Variants in CEP63 observed in about 807,000 individuals in gnomAD.
CEP63 encodes centrosomal protein of 63 kDa.
Under a neutral mutation model 89.1 loss-of-function variants are expected in CEP63, and 84 were observed. The observed-to-expected ratio is 0.94, with a 90% CI of 0.79 to 1.13. CEP63 has a LOEUF of 1.13. CEP63 is among the 50% of genes most tolerant of loss of function. The pLI is 0.00. For synonymous variants in CEP63, 267 were observed against 272.5 expected (o/e 0.98, Z 0.20); for missense variants, 838 against 813.3 (o/e 1.03, Z -0.37).
At chr3:134,567,289 G>T (rs572530047), downstream of CEP63, among the ~76,000 whole-genome samples, 1 of 152,172 alleles carries the variant, frequency 6.6e-6, no homozygotes, top group East Asian at 1.9e-4. Flanking sequence ...ATGGGGTGGG[G>T]ATAGGAGGAT....
At chr3:134,545,276 G>T (rs548999402) in intron 6 of CEP63, among the ~76,000 whole-genome samples, 1 of 152,078 alleles carries the variant, frequency 6.6e-6, no homozygotes, top group African/African-American at 2.4e-5. Flanking sequence ...GATTACAGGC[G>T]TGATCCACTG....
chr3:134,499,531 T>C (rs375595015), intron 2 of CEP63, among the ~76,000 whole-genome samples: 36 of 152,330 alleles, frequency 2.4e-4, no homozygotes, highest in African/African-American at 8.7e-4. Flanking sequence ...TGATCTTTGT[T>C]ATTTTTTTCC....
chr3:134,612,251 T>A, the CEP63 span, among the ~76,000 whole-genome samples: 11 of 152,172 alleles, frequency 7.2e-5, no homozygotes, highest in Admixed American at 6.5e-4. Flanking sequence ...TGGGAGCACT[T>A]GAGGGCATGG....
At chr3:134,611,224 T>C in the CEP63 span, among the ~76,000 whole-genome samples, 3 of 152,358 alleles carry the variant, frequency 2.0e-5, no homozygotes, top group East Asian at 3.9e-4. Flanking sequence ...TCACTGCTCA[T>C]AGTAGAGCTG....
In CEP63 at chr3:134,558,366, T is replaced by G. The variant is rs757851778; in HGVS notation, c.1673+19T>G. ...AGTTCAAGTAAAATTTTTTAAAAGT[T>G]TATTTAAAATGTGTATTGGTACAAT... On this transcript the variant is annotated intron_variant, in intron 13 of 14. Coordinates refer to ENST00000675561, the MANE Select transcript of CEP63 (RefSeq NM_001353108.3). The G allele has an allele frequency of 2.7e-6, 4 of 1,469,796 alleles. No homozygotes were observed. The highest frequency in any genetic ancestry group is 2.3e-5 in the South Asian group (2 of 87,612). 91.0% of individuals were successfully genotyped at this position (1,469,796 alleles called of 1,614,324 possible).
At chr3:134,658,313 C>T in the CEP63 span, among the ~76,000 whole-genome samples, 1 of 152,102 alleles carries the variant, frequency 6.6e-6, no homozygotes, top group African/African-American at 2.4e-5. Context: ...TTAAAAAATT[C>T]ATATCCTTAG....
chr3:134,624,884 G>A, the CEP63 span, among the ~76,000 whole-genome samples: 2 of 152,200 alleles, frequency 1.3e-5, no homozygotes, highest in Non-Finnish European at 2.9e-5. Flanking sequence ...GGCAGGGGCT[G>A]CTGCCTAGTG....
chr3:134,608,044 G>A, the CEP63 span: 6 of 1,065,246 alleles, frequency 5.6e-6, no homozygotes, highest in Admixed American at 4.9e-5. Flanking sequence ...CCCTAAGGAA[G>A]TCTGCCCCAA....
intron 12 of CEP63, chr3:134,552,594 T>C (rs1445722559): frequency 6.6e-6 from 1 of 152,262 alleles, no homozygotes; most frequent in Non-Finnish European, 1.5e-5. Context: ...ACTTAGCATA[T>C]AGTACATAGT....
intron 5 of CEP63, among the ~76,000 whole-genome samples, chr3:134,533,424 A>G (rs529995337): frequency 6.6e-6 from 1 of 152,344 alleles, no homozygotes; most frequent in South Asian, 2.1e-4. Flanking sequence ...CTTTTCGTAC[A>G]AAGTAATCTC....
chr3:134,506,010 C>T (rs1233605512), intron 2 of CEP63, among the ~76,000 whole-genome samples: 1 of 152,176 alleles, frequency 6.6e-6, no homozygotes, highest in African/African-American at 2.4e-5. Flanking sequence ...TGCCTCATCA[C>T]AGCAGTGTGA....
chr3:134,728,325 T>C, the CEP63 span, among the ~76,000 whole-genome samples: 6 of 152,310 alleles, frequency 3.9e-5, no homozygotes, highest in South Asian at 8.3e-4. Context: ...ATTTTTTTCC[T>C]AACCATCGAG....
chr3:134,581,966 C>T (rs1054266225), intron 10 of CEP63, among the ~76,000 whole-genome samples: 8 of 151,872 alleles, frequency 5.3e-5, no homozygotes, highest in African/African-American at 9.7e-5. Context: ...TGAGCCACCG[C>T]GCCCGGCCGA....
At chr3:134,757,149 C>T in the CEP63 span, among the ~76,000 whole-genome samples, 1 of 152,170 alleles carries the variant, frequency 6.6e-6, no homozygotes, top group East Asian at 1.9e-4. Context: ...TACCCACAGC[C>T]ACTGATGATT....
the CEP63 span, among the ~76,000 whole-genome samples, chr3:134,665,702 C>CACACACACACACAGAG: frequency 2.0e-5 from 2 of 102,324 alleles, no homozygotes; most frequent in African/African-American, 8.0e-5. Flanking sequence ...CACACACACA[C>CACACACACACACAGAG]AGAGAGAGAG....
At chr3:134,774,425 T>C in the CEP63 span, among the ~76,000 whole-genome samples, 1 of 152,204 alleles carries the variant, frequency 6.6e-6, no homozygotes. Flanking sequence ...ACAAGTACCT[T>C]CTAAGGAGAA....
chr3:134,624,420 C>A, the CEP63 span, among the ~76,000 whole-genome samples: 2 of 152,206 alleles, frequency 1.3e-5, no homozygotes, highest in Non-Finnish European at 2.9e-5. Flanking sequence ...TATAAGGTGG[C>A]CTTTTTAAGA....
At chr3:134,645,639 C>T in the CEP63 span, among the ~76,000 whole-genome samples, 1 of 152,206 alleles carries the variant, frequency 6.6e-6, no homozygotes, top group African/African-American at 2.4e-5. Context: ...TCGCTTTACA[C>T]ATGTTGATGG....
chr3:134,564,196 C>A lies in CEP63; in HGVS notation c.*2661C>A. The A allele has an allele frequency of 1.0e-6, 1 of 955,962 alleles. No individual in the cohort carries two copies. Among genetic ancestry groups the A allele is most frequent in the African/African-American group, 1.8e-5 (1 of 56,744 alleles). 59.2% of individuals were successfully genotyped at this position (955,962 alleles called of 1,614,324 possible). ...CTGGTTCATGGTGGGATCCTCATCA[C>A]CCAGCACAAGCCCAACACTTAGGAG... On this transcript the variant is annotated 3_prime_UTR_variant, in exon 15 of 15. Transcript: ENST00000675561.
Sources: gnomAD v4.1 joint callset for allele counts (sites outside exome capture counted in the v4.1 genomes callset) on GRCh38, gnomAD v4.1.1 for gene constraint, MANE v1.5 for transcripts, NCBI Gene and HGNC (gene_info 2026-07-23, HGNC 2026-07-21) for gene names.